The following TBX10 variants were observed in gnomAD, a reference collection of about 807,000 sequenced individuals.
TBX10 encodes T-box transcription factor 10.
TBX10 carries 26 observed loss-of-function variants against 32.4 expected under a neutral mutation model. That is an observed-to-expected ratio of 0.80 (90% CI 0.59 to 1.11). TBX10 has a LOEUF of 1.11. Among genes scored for constraint, TBX10 ranks in the 50% most tolerant of loss-of-function variants. The pLI is 0.00. For synonymous variants in TBX10, 195 were observed against 203.1 expected (o/e 0.96, Z 0.34); for missense variants, 490 against 494.5 (o/e 0.99, Z 0.09).
At chr11:67,639,393 T>TGGCCCCCCCCCCCCC in intron 1 of TBX10, 73 bp downstream of exon 1, 1 of 726,924 alleles carries the variant, frequency 1.4e-6, no homozygotes, top group East Asian at 2.7e-5. Context: ...CTGTCTTGGT[T>TGGCCCCCCCCCCCCC]CCCACCCTGC....
At chr11:67,632,567 T>G (rs1167198979) in intron 6 of TBX10, 36 bp downstream of exon 6, 1 of 1,605,940 alleles carries the variant, frequency 6.2e-7, no homozygotes, top group Admixed American at 1.7e-5. Context: ...ATGCCTGGGG[T>G]GGGGGTGAGG....
rs1268371139 is a variant in TBX10 at position 67,631,767 on chromosome 11, AGAGTACAGGCTCT to A, written c.983_995del (p.Gln328LeufsTer7). 6.2e-7 allele frequency: 1 copy of A among 1,606,100 alleles called. No homozygotes were observed. Among genetic ancestry groups the A allele is most frequent in the Non-Finnish European group, 8.5e-7 (1 of 1,176,864 alleles). On this transcript the variant is annotated frameshift_variant, in exon 8 of 8. Transcript: ENST00000335385. LOFTEE classifies it low-confidence loss of function (END_TRUNC). ...GGATCCCTAGGTGGCTCGGGGCTCC[AGAGTACAGGCTCT>A]GATACGTGACAGGCCTGTAGGTGGC...
chr11:67,637,030 G>A (rs1855341508), intron 1 of TBX10, among the ~76,000 whole-genome samples: 1 of 152,216 alleles, frequency 6.6e-6, no homozygotes, highest in Non-Finnish European at 1.5e-5. Flanking sequence ...TCTGACACAT[G>A]CTGCAACATG....
intron 7 of TBX10, 100 bp from the exon 8 acceptor site, chr11:67,631,994 C>G (rs1382618075): frequency 1.3e-6 from 2 of 1,485,514 alleles, no homozygotes; most frequent in East Asian, 4.9e-5. Context: ...CCCAAGTTAC[C>G]TACCTCTCAG....
chr11:67,632,190 G>T, intron 7 of TBX10, 128 bp downstream of exon 7: 1 of 1,118,558 alleles, frequency 8.9e-7, no homozygotes, highest in Non-Finnish European at 1.4e-6. Context: ...TTCCCCCTCC[G>T]TGTGTCCACA....
intron 1 of TBX10, among the ~76,000 whole-genome samples, chr11:67,636,572 A>G (rs1170312194): frequency 6.6e-6 from 1 of 151,862 alleles, no homozygotes; most frequent in Non-Finnish European, 1.5e-5. Flanking sequence ...ATCTCGGCTC[A>G]CTGCAACCTC....
In TBX10 at chr11:67,631,797, G is replaced by T. The variant is rs763930638; in HGVS notation, c.966C>A (p.Tyr322Ter). The T allele has an allele frequency of 6.3e-6, 10 of 1,594,644 alleles. No individual in the cohort carries two copies. The highest frequency in any genetic ancestry group is 7.7e-6 in the Non-Finnish European group (9 of 1,171,020). The change falls in exon 8 of 8, where the codon TAC becomes TAA. Residue 322 changes from tyrosine to a stop codon, truncating the protein, a stop_gained. Transcript: ENST00000335385. LOFTEE classifies it low-confidence loss of function (END_TRUNC). ...PPEVLLAPATYRPVTYQSLYS... is the reference protein window; with the variant it reads ...PPEVLLAPAT ...ACAGGCTCTGATACGTGACAGGCCT[G>T]TAGGTGGCCGGGGCCAGCAGGACCT...
intron 1 of TBX10, among the ~76,000 whole-genome samples, chr11:67,637,932 G>C (rs1317860178): frequency 1.3e-5 from 2 of 152,204 alleles, no homozygotes; most frequent in African/African-American, 4.8e-5. Flanking sequence ...GGTGGGCCGG[G>C]CGCGGTGGCT....
chr11:67,639,393 T>TGCCCCCCCCCCCCCCCCCCCCCCC, intron 1 of TBX10, 73 bp downstream of exon 1: 1 of 726,926 alleles, frequency 1.4e-6, no homozygotes, highest in Non-Finnish European at 2.5e-6. Flanking sequence ...CTGTCTTGGT[T>TGCCCCCCCCCCCCCCCCCCCCCCC]CCCACCCTGC....
intron 1 of TBX10, among the ~76,000 whole-genome samples, chr11:67,636,580 C>T (rs1454328696): frequency 1.3e-5 from 2 of 152,036 alleles, no homozygotes; most frequent in African/African-American, 2.4e-5. Flanking sequence ...TCACTGCAAC[C>T]TCTGCCTCCC....
In TBX10 at chr11:67,637,926, G is replaced by A. The variant is rs1855352955; in HGVS notation, c.7+1540C>T. On this transcript the variant is annotated intron_variant, in intron 1 of 7. Transcript: ENST00000335385. Reference sequence around the variant, plus strand: ...TGTGTATTTAAAAATGGTTAAGGTGGGCCGGGCGCGGTGGCTCATGCCTGT... The same window carrying A: ...TGTGTATTTAAAAATGGTTAAGGTGAGCCGGGCGCGGTGGCTCATGCCTGT... Among the ~76,000 whole-genome samples the A allele has an allele frequency of 2.0e-5, 3 of 152,322 alleles. No individual in the cohort carries two copies. The South Asian group carries it at 6.2e-4, about 32-fold the overall frequency.
rs1222306887 is a variant in TBX10, at chr11:67,631,320, ATG to A, written c.*283_*284del. 4 of 494,748 alleles carry A rather than the reference ATG, an allele frequency of 8.1e-6. No homozygotes were observed. The highest frequency in any genetic ancestry group is 1.5e-5 in the Non-Finnish European group (4 of 270,468). The allele number at this position is 494,748 out of a possible 1,614,324, so 30.6% of individuals were successfully genotyped here. ...CTGACCACTCATGCCAAATAGTTTA[ATG>A]TTAGGGGGAAGGGAGAGGTAAGGCA... On this transcript the variant is annotated 3_prime_UTR_variant, in exon 8 of 8. Transcript: ENST00000335385.
rs1855230441 is a variant in TBX10 at position 67,631,534 on chromosome 11, G to A, written c.*71C>T. The A allele has an allele frequency of 6.5e-7, 1 of 1,527,404 alleles. No individual in the cohort carries two copies. The highest frequency in any genetic ancestry group is 8.8e-7 in the Non-Finnish European group (1 of 1,137,692). 94.6% of individuals were successfully genotyped at this position (1,527,404 alleles called of 1,614,324 possible). ...AGACAGAGATGGGGCTGGAGGGGGC[G>A]GGGCAGAGGCTGATTCCCACACCCG... On this transcript the variant is annotated 3_prime_UTR_variant, in exon 8 of 8. Transcript: ENST00000335385.
chr11:67,638,207 C>CAAAA (rs1214534384), intron 1 of TBX10, among the ~76,000 whole-genome samples: 2 of 126,368 alleles, frequency 1.6e-5, no homozygotes, highest in African/African-American at 6.8e-5. Context: ...GACTCTGTCT[C>CAAAA]AAAAAATAAA....
Position 67,631,569 on chromosome 11 carries a change from C to A in TBX10, c.*36G>T. Reference sequence around the variant, plus strand: ...CTGATTCCCACACCCGGTGTAAGGTCCAGGGTAGCAGGGCTTCCCCCCAGG... The same window carrying A: ...CTGATTCCCACACCCGGTGTAAGGTACAGGGTAGCAGGGCTTCCCCCCAGG... On this transcript the variant is annotated 3_prime_UTR_variant, in exon 8 of 8. Coordinates refer to ENST00000335385, the MANE Select transcript of TBX10 (RefSeq NM_005995.5). 1 of 1,570,110 alleles carries A rather than the reference C, an allele frequency of 6.4e-7. No individual in the cohort carries two copies. Among genetic ancestry groups the A allele is most frequent in the Non-Finnish European group, 8.6e-7 (1 of 1,165,310 alleles).
intron 1 of TBX10, 39 bp from the exon 2 acceptor site, chr11:67,635,302 C>T (rs371043862): frequency 1.2e-6 from 2 of 1,611,850 alleles, no homozygotes; most frequent in South Asian, 1.1e-5. Context: ...CCACGCATCA[C>T]CCAGCCAGCT....
chr11:67,639,633 C>T lies in TBX10; in HGVS notation c.-161G>A. The T allele has an allele frequency of 1.1e-6, 1 of 900,890 alleles. No individual in the cohort carries two copies. Among genetic ancestry groups the T allele is most frequent in the Non-Finnish European group, 1.8e-6 (1 of 564,230 alleles). The allele number at this position is 900,890 out of a possible 1,614,324, so 55.8% of individuals were successfully genotyped here. A position where few individuals can be genotyped will look rare whatever the true frequency, so the allele number is the denominator to read the frequency against. On this transcript the variant is annotated 5_prime_UTR_variant, in exon 1 of 8. Transcript: ENST00000335385. Reference sequence around the variant, plus strand: ...TCTCTCGGCAGGACGGTCCTTGCCTCCTCGATCGCCCTTCGTCCACGTCCT... The same window carrying T: ...TCTCTCGGCAGGACGGTCCTTGCCTTCTCGATCGCCCTTCGTCCACGTCCT...
chr11:67,638,602 C>A lies in TBX10; in HGVS notation c.7+864G>T, dbSNP rs369108095. Reference sequence around the variant, plus strand: ...AGGTACCAGGTGGACGGCACCTGGCCAGGGTGAGCTCTTAGTAGGTGCCTG... The same window carrying A: ...AGGTACCAGGTGGACGGCACCTGGCAAGGGTGAGCTCTTAGTAGGTGCCTG... On this transcript the variant is annotated intron_variant, in intron 1 of 7. Coordinates refer to ENST00000335385, the MANE Select transcript of TBX10 (RefSeq NM_005995.5). Among the ~76,000 whole-genome samples the A allele has an allele frequency of 2.2e-4, 33 of 152,314 alleles. No individual in the cohort carries two copies. In the East Asian group the frequency reaches 6.0e-3, roughly 28 times the overall value.
rs369809972 is a variant in TBX10 at position 67,633,147 on chromosome 11, C to T, written c.550-44G>A. ...AGGGGTACAGGGGTGAGGCGGAGTA[C>T]AGCGGACTCCCTGAGGCTGGAGTCC... On this transcript the variant is annotated intron_variant, in intron 4 of 7. Transcript: ENST00000335385. 1.9e-5 allele frequency: 30 copies of T among 1,594,608 alleles called. No individual in the cohort carries two copies. In the African/African-American group the frequency reaches 2.9e-4, roughly 16 times the overall value.
Sources: allele counts gnomAD v4.1 joint callset (sites outside exome capture counted in the v4.1 genomes callset), GRCh38; gene constraint gnomAD v4.1.1; transcripts MANE v1.5; gene names NCBI Gene and HGNC (gene_info 2026-07-23, HGNC 2026-07-21).